LBP: variants seen among roughly 807,000 people sequenced by gnomAD.
The protein encoded by LBP is lipopolysaccharide-binding protein.
LBP carries 53 observed loss-of-function variants against 56.6 expected under a neutral mutation model. The ratio of observed to expected loss-of-function variants is 0.94; its 90% CI spans 0.75 to 1.18. LBP has a LOEUF of 1.18. Among genes scored for constraint, LBP ranks in the 50% most tolerant of loss-of-function variants. The pLI is 0.00. For synonymous variants in LBP, 227 were observed against 247.5 expected (o/e 0.92, Z 0.78); for missense variants, 601 against 598.3 (o/e 1.00, Z -0.05).
At chr20:38,375,940 C>G (rs2083956377) in intron 14 of LBP, among the ~76,000 whole-genome samples, 4 of 152,204 alleles carry the variant, frequency 2.6e-5, no homozygotes, top group African/African-American at 9.6e-5. Context: ...CTGAGATACT[C>G]AGCACTTAAC....
At chr20:38,366,405 A>G (rs11086571) in intron 8 of LBP, among the ~76,000 whole-genome samples, 6,059 of 152,230 alleles carry the variant, frequency 0.04, 177 homozygotes, top group South Asian at 0.083. Context: ...CAGTGACTCG[A>G]AGGTGGGGAC....
At chr20:38,374,689 T>G (rs2122630411) in intron 14 of LBP, among the ~76,000 whole-genome samples, 1 of 152,000 alleles carries the variant, frequency 6.6e-6, no homozygotes. Context: ...TTGTAAGTTT[T>G]AAGCTTTTCT....
chr20:38,369,118 C>T lies in LBP; in HGVS notation c.1105C>T (p.Leu369Phe), dbSNP rs375340634. ...CTATATGGAGATAGATGCCTTTGTG[C>T]TCCTGCCCAGCTCCAGCAAGGAGCC... ...DPYMEIDAFV[L>F]LPSSSKEPVF... Residue 369 changes from leucine to phenylalanine, a missense_variant, in exon 10 of 15, where the codon CTC becomes TTC. Leu to Phe is a conservative substitution (Grantham distance 22, BLOSUM62 0). Coordinates refer to ENST00000217407, the MANE Select transcript of LBP (RefSeq NM_004139.5). 2.0e-5 allele frequency: 33 copies of T among 1,614,042 alleles called. No homozygotes were observed. Among genetic ancestry groups the T allele is most frequent in the African/African-American group, 4.0e-5 (3 of 74,930 alleles).
chr20:38,364,429 A>G, intron 7 of LBP, 147 bp from the exon 8 acceptor site: 1 of 781,950 alleles, frequency 1.3e-6, no homozygotes, highest in Non-Finnish European at 2.1e-6. Context: ...TGAGCTTTTC[A>G]TTAAAAGACA....
intron 3 of LBP, among the ~76,000 whole-genome samples, chr20:38,354,030 G>A (rs2076829752): frequency 6.6e-6 from 1 of 151,344 alleles, no homozygotes. Context: ...AATTTTCTAT[G>A]CCGACAAGTT....
At chr20:38,365,526 A>G (rs1267317306) in intron 8 of LBP, among the ~76,000 whole-genome samples, 1 of 151,466 alleles carries the variant, frequency 6.6e-6, no homozygotes, top group African/African-American at 2.4e-5. Flanking sequence ...GCAAAACCTC[A>G]TCTCTACTAA....
chr20:38,371,412 A>G, intron 12 of LBP, 90 bp downstream of exon 12: 2 of 987,494 alleles, frequency 2.0e-6, no homozygotes, highest in South Asian at 2.9e-5. Flanking sequence ...AATAGGAAAT[A>G]CAAAAGGAGA....
chr20:38,355,158 T>C (rs1009547862), intron 4 of LBP, among the ~76,000 whole-genome samples, 188 bp from the exon 5 acceptor site: 2 of 152,174 alleles, frequency 1.3e-5, no homozygotes, highest in African/African-American at 4.8e-5. Context: ...GATCATGCGA[T>C]TGGGTGCCGC....
chr20:38,369,618 A>G (rs1474981710), intron 10 of LBP, among the ~76,000 whole-genome samples: 3 of 152,210 alleles, frequency 2.0e-5, no homozygotes, highest in African/African-American at 7.2e-5. Context: ...GGATGAAGCC[A>G]GAGTACTATT....
Position 38,349,569 on chromosome 20 carries a change from C to A in LBP, c.146C>A (p.Ala49Asp). 1.2e-6 allele frequency: 2 copies of A among 1,609,330 alleles called. No individual in the cohort carries two copies. The highest frequency in any genetic ancestry group is 2.2e-5 in the East Asian group (1 of 44,748). ...ACAGCGGCCCAGGAGGGGCTATTAG[C>A]TCTGCAGAGTGAGCTGCTCAGGATC... is the stretch of plus-strand genomic sequence containing the variant. The part of the protein sequence containing the change: ...LQYAAQEGLL[A>D]LQSELLRITL... The change falls in exon 2 of 15, where the codon GCT (alanine) becomes GAT (aspartate). Residue 49 changes from alanine to aspartate, a missense_variant. Coordinates refer to ENST00000217407, the MANE Select transcript of LBP (RefSeq NM_004139.5).
At chr20:38,369,320 C>T (rs904288127) in intron 10 of LBP, among the ~76,000 whole-genome samples, 158 bp downstream of exon 10, 1 of 152,174 alleles carries the variant, frequency 6.6e-6, no homozygotes, top group African/African-American at 2.4e-5. Context: ...GGCCCTTACC[C>T]CCAATCTACC....
chr20:38,357,773 G>A (rs1189907707), intron 5 of LBP, among the ~76,000 whole-genome samples: 2 of 152,196 alleles, frequency 1.3e-5, no homozygotes, highest in Non-Finnish European at 2.9e-5. Context: ...TTATTCATGA[G>A]TTTTCCTGGA....
chr20:38,369,661 T>C (rs1221433878), intron 10 of LBP, among the ~76,000 whole-genome samples: 1 of 152,214 alleles, frequency 6.6e-6, no homozygotes. Flanking sequence ...AGGCTCTGGC[T>C]GTGACTATGT....
In LBP at chr20:38,373,105, A is replaced by G. The variant is rs759921729; in HGVS notation, c.1294A>G (p.Ile432Val). Residue 432 changes from isoleucine to valine, a missense_variant, in exon 13 of 15, where the codon ATC becomes GTC. Physicochemically the swap from Ile to Val is conservative, Grantham distance 29. Coordinates refer to ENST00000217407, the MANE Select transcript of LBP (RefSeq NM_004139.5). Reference protein sequence around the residue: ...ELLEALLNYYILNTFYPKFND... With the variant: ...ELLEALLNYYVLNTFYPKFND... ...GTTGGAAGCGCTCCTCAACTATTAC[A>G]TCCTTAACACCTTCTACCCCAAGTT... is the stretch of plus-strand genomic sequence containing the variant. 6 of 1,614,088 alleles carry G rather than the reference A, an allele frequency of 3.7e-6. No homozygotes were observed. Among genetic ancestry groups the G allele is most frequent in the Non-Finnish European group, 5.1e-6 (6 of 1,179,934 alleles).
chr20:38,365,658 C>T (rs2076877898), intron 8 of LBP, among the ~76,000 whole-genome samples: 2 of 144,186 alleles, frequency 1.4e-5, no homozygotes, highest in Admixed American at 1.4e-4. Context: ...GATCTCACTA[C>T]TTCACTGCAG....
chr20:38,357,353 C>T (rs1353941230), intron 5 of LBP, among the ~76,000 whole-genome samples: 1 of 152,190 alleles, frequency 6.6e-6, no homozygotes, highest in Non-Finnish European at 1.5e-5. Flanking sequence ...ATGGAGATCT[C>T]ACCTGACCCC....
rs762492936 is a variant in LBP, at chr20:38,364,741, A to C, written c.910A>C (p.Thr304Pro). 2.8e-5 allele frequency: 45 copies of C among 1,609,822 alleles called. No homozygotes were observed. The highest frequency in any genetic ancestry group is 3.7e-5 in the Non-Finnish European group (44 of 1,177,664). ...HEEGYLNFSI[T>P]DDMIPPDSNI... is the part of the protein sequence containing the mutation. ...GGAAGGATATCTGAACTTCTCCATC[A>C]CAGATGACATGGTGAGGATGGTGGC... Residue 304 changes from threonine to proline, a missense_variant, in exon 8 of 15, where the codon ACA (threonine) becomes CCA (proline). Transcript: ENST00000217407.
rs1482903393 is a variant in LBP, at chr20:38,376,956, A to G, written c.*287A>G. 1 of 573,030 alleles carries G rather than the reference A, an allele frequency of 1.7e-6. No individual in the cohort carries two copies. The highest frequency in any genetic ancestry group is 1.9e-5 in the African/African-American group (1 of 54,048). The allele number at this position is 573,030 out of a possible 1,614,324, so 35.5% of individuals were successfully genotyped here. On this transcript the variant is annotated 3_prime_UTR_variant, in exon 15 of 15. Coordinates refer to ENST00000217407, the MANE Select transcript of LBP (RefSeq NM_004139.5). ...TTTTTTTATTCGCCATCTGATCCCCATGCCTAGCAGAGTGCTGGCACTTAG... is the reference window on the plus strand; with the variant it reads ...TTTTTTTATTCGCCATCTGATCCCCGTGCCTAGCAGAGTGCTGGCACTTAG...
chr20:38,350,409 C>T (rs928640013), intron 2 of LBP, among the ~76,000 whole-genome samples: 1 of 152,192 alleles, frequency 6.6e-6, no homozygotes, highest in Non-Finnish European at 1.5e-5. Flanking sequence ...CTGTTTCCCC[C>T]CTACCTGGAT....
Sources: allele counts gnomAD v4.1 joint callset (sites outside exome capture counted in the v4.1 genomes callset), GRCh38; gene constraint gnomAD v4.1.1; transcripts MANE v1.5; gene names NCBI Gene and HGNC (gene_info 2026-07-23, HGNC 2026-07-21).